The following MCM5 variants were observed in gnomAD, a reference collection of about 807,000 sequenced individuals.
The protein encoded by MCM5 is minichromosome maintenance complex component 5.
MCM5 carries 46 observed loss-of-function variants against 79.9 expected under a neutral mutation model. The ratio of observed to expected loss-of-function variants is 0.58; its 90% CI spans 0.45 to 0.74. MCM5 has a LOEUF of 0.74. Among genes scored for constraint, MCM5 ranks in the 30% least tolerant of loss-of-function variants. MCM5 has a pLI of 0.00. For synonymous variants in MCM5, 404 were observed against 390.5 expected (o/e 1.03, Z -0.41); for missense variants, 883 against 1,017.0 (o/e 0.87, Z 1.79).
chr22:35,415,736 T>G (rs1199859020), intron 9 of MCM5, 93 bp from the exon 10 acceptor site: 1 of 1,437,104 alleles, frequency 7.0e-7, no homozygotes, highest in Non-Finnish European at 9.5e-7. Flanking sequence ...ATGTGTGACC[T>G]TGGGCAAATC....
At chr22:35,451,879 G>C in the MCM5 span, among the ~76,000 whole-genome samples, 1 of 152,216 alleles carries the variant, frequency 6.6e-6, no homozygotes, top group Non-Finnish European at 1.5e-5. Context: ...GACAGACAAG[G>C]CTGATTCCAG....
At chr22:35,417,152 C>G (rs1932567781) in intron 12 of MCM5, among the ~76,000 whole-genome samples, 1 of 152,032 alleles carries the variant, frequency 6.6e-6, no homozygotes, top group African/African-American at 2.4e-5. Context: ...GTAAATTTTT[C>G]AAAGAAAAAA....
chr22:35,410,586 T>A, intron 6 of MCM5, 158 bp from the exon 7 acceptor site: 1 of 713,534 alleles, frequency 1.4e-6, no homozygotes, highest in Non-Finnish European at 2.6e-6. Flanking sequence ...GAGAGGCCGT[T>A]CTCTGGGCTC....
chr22:35,409,220 C>G (rs1481054543), intron 6 of MCM5, among the ~76,000 whole-genome samples: 1 of 152,218 alleles, frequency 6.6e-6, no homozygotes, highest in Non-Finnish European at 1.5e-5. Context: ...GCCTTGGCCT[C>G]CCAGAGTGCG....
chr22:35,417,926 C>G, intron 13 of MCM5, 70 bp downstream of exon 13: 1 of 1,023,146 alleles, frequency 9.8e-7, no homozygotes, highest in South Asian at 1.3e-5. Flanking sequence ...AACCCAGTCC[C>G]CTGGTCCTGC....
the MCM5 span, among the ~76,000 whole-genome samples, chr22:35,452,479 A>G: frequency 1.3e-5 from 2 of 152,150 alleles, no homozygotes. Flanking sequence ...TGTTGAATAA[A>G]CAGGTGGGTG....
chr22:35,441,364 C>T, the MCM5 span, among the ~76,000 whole-genome samples: 2 of 152,180 alleles, frequency 1.3e-5, no homozygotes, highest in African/African-American at 4.8e-5. Flanking sequence ...AGGACAATCT[C>T]GCACTCATGG....
the MCM5 span, among the ~76,000 whole-genome samples, chr22:35,440,845 G>T: frequency 1.1e-3 from 162 of 152,016 alleles, no homozygotes; most frequent in Non-Finnish European, 2.1e-3. Context: ...ATCACCTGAG[G>T]TCAGGAGTTC....
rs145204892 is a variant in MCM5, at chr22:35,419,838, A to G, written c.1704-46A>G. 18 of 1,551,136 alleles carry G rather than the reference A, an allele frequency of 1.2e-5. No homozygotes were observed. The East Asian group carries it at 1.9e-4, about 16-fold the overall frequency. ...GCTGGGGGAAAGGGTAGGTGCCCTAAGAGTCCCTCCTGGCCTCACACCAGC... is the reference window on the plus strand; with the variant it reads ...GCTGGGGGAAAGGGTAGGTGCCCTAGGAGTCCCTCCTGGCCTCACACCAGC... On this transcript the variant is annotated intron_variant, in intron 13 of 16. Transcript: ENST00000216122.
chr22:35,412,625 G>A lies in MCM5; in HGVS notation c.1035G>A (p.Gly345=). 1 of 1,568,756 alleles carries A rather than the reference G, an allele frequency of 6.4e-7. No individual in the cohort carries two copies. The highest frequency in any genetic ancestry group is 8.7e-7 in the Non-Finnish European group (1 of 1,153,810). The part of the protein sequence containing the change: ...ISKSIAPSIF[G]GTDMKKAIAC... ...AGAGCATCGCCCCCTCCATCTTTGG[G>A]GGCACAGACATGAAGAAGGCCATTG... is the stretch of plus-strand genomic sequence containing the variant. Residue 345 remains glycine (G), a synonymous_variant, in exon 8 of 17, where the codon GGG becomes GGA. Transcript: ENST00000216122.
At chr22:35,405,192 A>T (rs1413993812) in intron 4 of MCM5, among the ~76,000 whole-genome samples, 3 of 151,952 alleles carry the variant, frequency 2.0e-5, no homozygotes, top group African/African-American at 7.2e-5. Context: ...CGCCCGGCTA[A>T]TTTTTAGTAG....
the MCM5 span, among the ~76,000 whole-genome samples, chr22:35,448,128 G>C: frequency 6.6e-6 from 1 of 152,204 alleles, no homozygotes; most frequent in Non-Finnish European, 1.5e-5. Flanking sequence ...ACAAGGGCTT[G>C]GGGGAGGAGT....
the MCM5 span, among the ~76,000 whole-genome samples, chr22:35,433,447 T>C: frequency 6.6e-6 from 1 of 152,176 alleles, no homozygotes; most frequent in African/African-American, 2.4e-5. Flanking sequence ...AAACAGTCTG[T>C]TAGGGGCTTC....
rs1246341328 is a variant in MCM5 at position 35,424,720 on chromosome 22, G to A, written c.*465G>A. 3 of 153,336 alleles carry A rather than the reference G, an allele frequency of 2.0e-5. No individual in the cohort carries two copies. The highest frequency in any genetic ancestry group is 2.9e-5 in the Non-Finnish European group (2 of 68,806). The allele number at this position is 153,336 out of a possible 1,614,324, so 9.5% of individuals were successfully genotyped here. A position where few individuals can be genotyped will look rare whatever the true frequency, so the allele number is the denominator to read the frequency against. On this transcript the variant is annotated 3_prime_UTR_variant, in exon 17 of 17. Coordinates refer to ENST00000216122, the MANE Select transcript of MCM5 (RefSeq NM_006739.4). ...TCCCTTGATGCTGGGAATCCAGTGA[G>A]ACCAGGGAGTGGGGAAGCGCTTCTC... is the stretch of plus-strand genomic sequence containing the variant.
intron 13 of MCM5, 152 bp downstream of exon 13, chr22:35,418,008 C>A: frequency 1.7e-6 from 1 of 600,808 alleles, no homozygotes; most frequent in South Asian, 2.0e-5. Context: ...GCTCTGCTCC[C>A]TTCTAACCTT....
the MCM5 span, among the ~76,000 whole-genome samples, chr22:35,432,875 C>T: frequency 2.0e-5 from 3 of 152,104 alleles, no homozygotes; most frequent in East Asian, 5.8e-4. Context: ...GGGCAGGTGT[C>T]TCGGGGGCAG....
chr22:35,400,680 C>T, intron 2 of MCM5, 75 bp downstream of exon 2: 1 of 1,458,228 alleles, frequency 6.9e-7, no homozygotes, highest in Non-Finnish European at 9.1e-7. Context: ...TGCTAGAGTC[C>T]TGGACAGTCA....
chr22:35,425,069 TGGG>T lies in MCM5; in HGVS notation c.*818_*820del, dbSNP rs1247170364. On this transcript the variant is annotated 3_prime_UTR_variant, in exon 17 of 17. Transcript: ENST00000216122. ...CCTGAGTTTATCAGTAAACTGGAGA[TGGG>T]GGGATTCCTCACCCTGAGTTGTGAG... 6.6e-6 allele frequency: 1 copy of T among 152,114 alleles called. No homozygotes were observed. Among genetic ancestry groups the T allele is most frequent in the African/African-American group, 2.4e-5 (1 of 41,414 alleles). 9.4% of individuals were successfully genotyped at this position (152,114 alleles called of 1,614,324 possible).
intron 4 of MCM5, among the ~76,000 whole-genome samples, chr22:35,405,344 A>G (rs1932180210): frequency 1.3e-5 from 2 of 151,486 alleles, no homozygotes; most frequent in Middle Eastern, 3.2e-3. Flanking sequence ...ATCTGGAACT[A>G]TTTCTCCATG....
Sources: allele counts gnomAD v4.1 joint callset (sites outside exome capture counted in the v4.1 genomes callset), GRCh38; gene constraint gnomAD v4.1.1; transcripts MANE v1.5; gene names NCBI Gene and HGNC (gene_info 2026-07-23, HGNC 2026-07-21).